Variants in GARNL3 observed in about 807,000 individuals in gnomAD.
GARNL3 encodes the protein GTPase activating Rap/RanGAP domain like 3.
GARNL3 carries 63 observed loss-of-function variants against 125.0 expected under a neutral mutation model. The ratio of observed to expected loss-of-function variants is 0.50; its 90% CI spans 0.41 to 0.62. The LOEUF (loss-of-function observed/expected upper bound fraction) is 0.62. Ranked by LOEUF, GARNL3 falls within the 20% of genes least tolerant of loss-of-function variation. The probability of loss-of-function intolerance (pLI) is 0.00; values close to 1 mark genes in which losing one functional copy is unlikely to be tolerated. For missense variants in GARNL3, 994 were observed against 1,244.0 expected (o/e 0.80, Z 3.02); for synonymous variants, 439 against 457.5 (o/e 0.96, Z 0.52).
Position 127,393,400 on chromosome 9 carries a change from C to T in GARNL3, c.*146C>T. 6.7e-6 allele frequency: 4 copies of T among 595,382 alleles called. No homozygotes were observed. Among genetic ancestry groups the T allele is most frequent in the Non-Finnish European group, 1.1e-5 (4 of 348,618 alleles). 36.9% of individuals were successfully genotyped at this position (595,382 alleles called of 1,614,324 possible). A position where few individuals can be genotyped will look rare whatever the true frequency, so the allele number is the denominator to read the frequency against. On this transcript the variant is annotated 3_prime_UTR_variant, in exon 28 of 28. Coordinates refer to ENST00000373387, the MANE Select transcript of GARNL3 (RefSeq NM_032293.5). ...AACCTTCTGCACACTCGGCCAGTTC[C>T]CTCTCCAATGTCCGGTGCCATCTTT...
intron 5 of GARNL3, among the ~76,000 whole-genome samples, chr9:127,319,659 T>C (rs1381084565): frequency 6.6e-6 from 1 of 152,224 alleles, no homozygotes; most frequent in African/African-American, 2.4e-5. Flanking sequence ...GCTAACATTT[T>C]TGCTGAGCAC....
chr9:127,297,712 A>C (rs1588789195), intron 2 of GARNL3, among the ~76,000 whole-genome samples: 2 of 152,258 alleles, frequency 1.3e-5, no homozygotes, highest in Admixed American at 6.5e-5. Context: ...AGTAAAATTC[A>C]GTTAATGCAG....
chr9:127,383,809 C>A (rs1832399985), intron 23 of GARNL3, among the ~76,000 whole-genome samples: 1 of 152,132 alleles, frequency 6.6e-6, no homozygotes, highest in Admixed American at 6.5e-5. Context: ...TTTTTCAGTA[C>A]TTGGTTATCA....
intron 14 of GARNL3, 147 bp from the exon 15 acceptor site, chr9:127,344,085 ACAG>A: frequency 3.3e-6 from 2 of 605,974 alleles, no homozygotes; most frequent in Non-Finnish European, 5.9e-6. Context: ...GACCTGGTAC[ACAG>A]CAGGTGCTCC....
intron 2 of GARNL3, among the ~76,000 whole-genome samples, chr9:127,301,344 A>G (rs767328039): frequency 2.0e-4 from 31 of 152,298 alleles, no homozygotes; most frequent in Non-Finnish European, 3.7e-4. Context: ...ATGACTCATT[A>G]TGAACCTACA....
At chr9:127,313,980 CTCTG>C (rs2065164801) in intron 4 of GARNL3, among the ~76,000 whole-genome samples, 1 of 152,142 alleles carries the variant, frequency 6.6e-6, no homozygotes, top group African/African-American at 2.4e-5. Flanking sequence ...CACATGGGCC[CTCTG>C]TCTGACTTCC....
chr9:127,272,340 A>G (rs1180647434), intron 1 of GARNL3, among the ~76,000 whole-genome samples: 1 of 149,874 alleles, frequency 6.7e-6, no homozygotes, highest in Non-Finnish European at 1.5e-5. Context: ...GTATTACCAA[A>G]CTGAGAGATT....
At chr9:127,237,441 ACGT>A (rs1209610329) in intron 1 of GARNL3, among the ~76,000 whole-genome samples, 2 of 152,196 alleles carry the variant, frequency 1.3e-5, no homozygotes, top group African/African-American at 2.4e-5. Flanking sequence ...AATCTAAATC[ACGT>A]CCAGAACTCT....
In GARNL3 at chr9:127,265,049, A is replaced by G. The variant is rs779207923; in HGVS notation, c.144+28A>G. The G allele has an allele frequency of 4.4e-6, 7 of 1,586,802 alleles. No homozygotes were observed. The Admixed American group carries it at 1.1e-4, about 24-fold the overall frequency. On this transcript the variant is annotated intron_variant, in intron 1 of 27. Transcript: ENST00000373387. The stretch of plus-strand genomic sequence containing the variant: ...AAGTTTATGCTGTCTGTTCAGTGGT[A>G]GTACATTGATTTAGATTTAGAGACG...
upstream of GARNL3, among the ~76,000 whole-genome samples, chr9:127,263,036 C>G (rs2063624833): frequency 6.6e-6 from 1 of 152,216 alleles, no homozygotes; most frequent in Non-Finnish European, 1.5e-5. Context: ...GCAAGCATCC[C>G]TCTGCGGTAT....
chr9:127,251,646 G>A (rs561554542), intron 2 of GARNL3, among the ~76,000 whole-genome samples: 1 of 152,056 alleles, frequency 6.6e-6, no homozygotes, highest in Non-Finnish European at 1.5e-5. Flanking sequence ...TGTGCCTCCC[G>A]ATCCATTAAG....
At chr9:127,226,887 G>A (rs943374358) in intron 1 of GARNL3, among the ~76,000 whole-genome samples, 1 of 152,148 alleles carries the variant, frequency 6.6e-6, no homozygotes, top group East Asian at 1.9e-4. Flanking sequence ...GAGACAAGCC[G>A]GAAGCTGGAT....
intron 1 of GARNL3, among the ~76,000 whole-genome samples, chr9:127,237,502 C>G (rs553176640): frequency 6.6e-6 from 1 of 152,230 alleles, no homozygotes; most frequent in African/African-American, 2.4e-5. Flanking sequence ...CCAACTTTTG[C>G]ACAGTGGAAG....
At chr9:127,320,626 A>G (rs2065370342) in intron 5 of GARNL3, 89 bp from the exon 6 acceptor site, 2 of 821,740 alleles carry the variant, frequency 2.4e-6, no homozygotes, top group African/African-American at 1.7e-5. Context: ...TCTGAGTGTC[A>G]GGCCCTTTAG....
At chr9:127,277,254 A>C (rs16929741) in intron 1 of GARNL3, among the ~76,000 whole-genome samples, 5,637 of 152,130 alleles carry the variant, frequency 0.037, 351 homozygotes, top group African/African-American at 0.13. Flanking sequence ...AAGAAATACA[A>C]GTAAGAAAAG....
intron 20 of GARNL3, 132 bp from the exon 21 acceptor site, chr9:127,357,087 C>T (rs1234231110): frequency 1.2e-6 from 1 of 819,546 alleles, no homozygotes; most frequent in East Asian, 2.5e-5. Context: ...CCCTTCTTCC[C>T]TGTAGCACGG....
chr9:127,322,934 C>T (rs952159574), intron 6 of GARNL3, among the ~76,000 whole-genome samples: 4 of 152,110 alleles, frequency 2.6e-5, no homozygotes, highest in Non-Finnish European at 4.4e-5. Flanking sequence ...GTGTTTCTTC[C>T]CACTCCTACC....
At chr9:127,238,287 A>G (rs945176024) in intron 1 of GARNL3, among the ~76,000 whole-genome samples, 3 of 152,070 alleles carry the variant, frequency 2.0e-5, no homozygotes, top group African/African-American at 7.2e-5. Context: ...AGGCCTCATC[A>G]GGCCTGGCTG....
intron 16 of GARNL3, among the ~76,000 whole-genome samples, chr9:127,348,352 G>A (rs549526405): frequency 6.6e-5 from 10 of 152,276 alleles, no homozygotes; most frequent in African/African-American, 1.9e-4. Context: ...TATGTCATGC[G>A]GAAACCTGAC....
Sources: allele counts gnomAD v4.1 joint callset (sites outside exome capture counted in the v4.1 genomes callset), GRCh38; gene constraint gnomAD v4.1.1; transcripts MANE v1.5; gene names NCBI Gene and HGNC (gene_info 2026-07-23, HGNC 2026-07-21).